CFAP119: variants seen among roughly 807,000 people sequenced by gnomAD.
The protein encoded by CFAP119 is cilia- and flagella-associated protein 119.
the CFAP119 span, chr16:30,758,700 C>T: frequency 9.1e-5 from 33 of 361,262 alleles, no homozygotes; most frequent in Non-Finnish European, 1.2e-4. Flanking sequence ...GGACTACAAG[C>T]GCGCACCACC....
the CFAP119 span, chr16:30,761,103 CT>C: frequency 7.0e-7 from 1 of 1,433,048 alleles, no homozygotes; most frequent in Non-Finnish European, 9.6e-7. Flanking sequence ...TCAGTCTCAT[CT>C]GTAAAATGGG....
chr16:30,761,282 C>A, the CFAP119 span: 1 of 1,611,932 alleles, frequency 6.2e-7, no homozygotes. Context: ...TGGCCCGTAG[C>A]GAATCTCCAG....
At chr16:30,759,992 T>C in the CFAP119 span, 7 of 1,462,862 alleles carry the variant, frequency 4.8e-6, no homozygotes, top group Non-Finnish European at 6.3e-6. Context: ...ATTTCAGCTA[T>C]TAAACATTCT....
At chr16:30,762,017 G>A in the CFAP119 span, 1 of 514,266 alleles carries the variant, frequency 1.9e-6, no homozygotes, top group Non-Finnish European at 3.4e-6. Flanking sequence ...TACGTGAGAA[G>A]TTGCGAGTGC....
the CFAP119 span, chr16:30,757,449 G>C: frequency 2.5e-6 from 4 of 1,603,452 alleles, no homozygotes; most frequent in Non-Finnish European, 3.4e-6. Flanking sequence ...TTCTGGCCCA[G>C]ACCTTTATTG....
the CFAP119 span, chr16:30,759,214 G>T: frequency 6.2e-7 from 1 of 1,614,190 alleles, no homozygotes; most frequent in Non-Finnish European, 8.5e-7. Context: ...GGTGGCTGTA[G>T]CCCCATGTAA....
chr16:30,761,660 T>C, the CFAP119 span: 4 of 1,535,892 alleles, frequency 2.6e-6, no homozygotes, highest in South Asian at 1.2e-5. Context: ...GCTGCGATCC[T>C]TCCCCGCTTC....
chr16:30,761,952 G>A, the CFAP119 span: 12 of 590,056 alleles, frequency 2.0e-5, no homozygotes, highest in Non-Finnish European at 3.5e-5. Context: ...GCTTGTGAGG[G>A]AAGGAAGGCG....
chr16:30,762,029 C>T, the CFAP119 span: 1 of 494,312 alleles, frequency 2.0e-6, no homozygotes, highest in Non-Finnish European at 3.6e-6. Flanking sequence ...TGCGAGTGCC[C>T]ACCTGGGCGC....
the CFAP119 span, chr16:30,761,654 C>T: frequency 6.5e-6 from 10 of 1,535,816 alleles, no homozygotes; most frequent in African/African-American, 4.1e-5. Flanking sequence ...CACTGAGCTG[C>T]GATCCTTCCC....
the CFAP119 span, chr16:30,761,009 T>G: frequency 4.5e-6 from 3 of 660,298 alleles, no homozygotes; most frequent in Admixed American, 8.7e-5. Flanking sequence ...CTTTGGCTCT[T>G]TTTTTCTCAC....
chr16:30,760,490 T>C, the CFAP119 span: 1 of 1,612,504 alleles, frequency 6.2e-7, no homozygotes, highest in Non-Finnish European at 8.5e-7. Context: ...CAACTGGGCC[T>C]CCTTTCATCA....
the CFAP119 span, chr16:30,759,978 G>T: frequency 1.4e-6 from 2 of 1,455,342 alleles, no homozygotes; most frequent in South Asian, 2.9e-5. Flanking sequence ...CCAAGAAATA[G>T]ATCATTTCAG....
the CFAP119 span, chr16:30,759,380 G>A: frequency 4.3e-6 from 7 of 1,614,228 alleles, no homozygotes; most frequent in South Asian, 1.1e-5. Context: ...TTGAAGTGGC[G>A]GAAGTAAGTG....
chr16:30,761,655 G>C, the CFAP119 span: 89 of 1,535,796 alleles, frequency 5.8e-5, no homozygotes, highest in Non-Finnish European at 7.6e-5. Context: ...ACTGAGCTGC[G>C]ATCCTTCCCC....
chr16:30,758,998 C>A, the CFAP119 span: 1 of 1,614,188 alleles, frequency 6.2e-7, no homozygotes, highest in Non-Finnish European at 8.5e-7. Context: ...AGCCTGCCCT[C>A]TCCAGATCCT....
At chr16:30,760,758 C>T in the CFAP119 span, 2 of 1,224,968 alleles carry the variant, frequency 1.6e-6, no homozygotes, top group Non-Finnish European at 1.2e-6. Flanking sequence ...GAGTTGGCCA[C>T]CGGCGTGAAG....
the CFAP119 span, chr16:30,757,456 A>G: frequency 3.1e-6 from 5 of 1,607,380 alleles, no homozygotes; most frequent in South Asian, 3.3e-5. Flanking sequence ...CCAGACCTTT[A>G]TTGGGGAAAA....
At chr16:30,760,371 G>C in the CFAP119 span, 1 of 1,614,214 alleles carries the variant, frequency 6.2e-7, no homozygotes, top group South Asian at 1.1e-5. Context: ...CAGAAAATGA[G>C]CGCGTGGCAG....
Sources: gnomAD v4.1 joint callset for allele counts on GRCh38, gnomAD v4.1.1 for gene constraint, MANE v1.5 for transcripts, NCBI Gene and HGNC (gene_info 2026-07-23, HGNC 2026-07-21) for gene names.